The following EXOC4 variants were observed in gnomAD, a reference collection of about 807,000 sequenced individuals.
EXOC4 encodes exocyst complex component 4.
Under a neutral mutation model 107.2 loss-of-function variants are expected in EXOC4, and 71 were observed. The ratio of observed to expected loss-of-function variants is 0.66; its 90% CI spans 0.55 to 0.81. The LOEUF (loss-of-function observed/expected upper bound fraction) is 0.81, where lower values mean the gene tolerates loss of function less well. Among genes scored for constraint, EXOC4 ranks in the 30% least tolerant of loss-of-function variants. EXOC4 has a pLI of 0.00. For synonymous variants in EXOC4, 456 were observed against 441.2 expected (o/e 1.03, Z -0.42); for missense variants, 1,108 against 1,189.6 (o/e 0.93, Z 1.01).
chr7:134,021,607 A>T (rs1795029860), intron 17 of EXOC4, among the ~76,000 whole-genome samples: 3 of 152,032 alleles, frequency 2.0e-5, no homozygotes. Flanking sequence ...AACCTTTAAC[A>T]ATATAGGCTT....
At chr7:133,718,668 G>A (rs1051846702) in intron 10 of EXOC4, among the ~76,000 whole-genome samples, 2 of 152,120 alleles carry the variant, frequency 1.3e-5, no homozygotes, top group Non-Finnish European at 2.9e-5. Flanking sequence ...CCTTAGTATT[G>A]TAAAATATGA....
rs550254948 is a variant in EXOC4, at chr7:133,731,191, T to C, written c.1515-86134T>C. 3.9e-5 allele frequency among the ~76,000 whole-genome samples: 6 copies of C among 152,328 alleles called. No homozygotes were observed. In the South Asian group the frequency reaches 1.2e-3, roughly 32 times the overall value. On this transcript the variant is annotated intron_variant, in intron 10 of 17. Transcript: ENST00000253861. Reference sequence around the variant, plus strand: ...ATCATTGCAATAAAATAATAAAATGTAACATCAGATTTACTGTTTTAACCA... The same window carrying C: ...ATCATTGCAATAAAATAATAAAATGCAACATCAGATTTACTGTTTTAACCA...
chr7:133,526,687 T>A (rs748702100), intron 9 of EXOC4, among the ~76,000 whole-genome samples: 1 of 152,166 alleles, frequency 6.6e-6, no homozygotes, highest in Non-Finnish European at 1.5e-5. Flanking sequence ...CAAAAGTAGA[T>A]ATAGCCGGGC....
At chr7:133,650,499 TA>T (rs1332024105) in intron 10 of EXOC4, among the ~76,000 whole-genome samples, 1 of 152,044 alleles carries the variant, frequency 6.6e-6, no homozygotes, top group Admixed American at 6.6e-5. Context: ...TTTTTTTAAA[TA>T]AAAAAAGCCA....
chr7:133,498,047 T>C (rs1474864194), intron 9 of EXOC4, among the ~76,000 whole-genome samples: 3 of 152,176 alleles, frequency 2.0e-5, no homozygotes, highest in Non-Finnish European at 4.4e-5. Context: ...ATTATCATGT[T>C]ACCTTTCTGG....
intron 7 of EXOC4, among the ~76,000 whole-genome samples, chr7:133,421,983 C>T (rs1056825744): frequency 6.6e-6 from 1 of 152,112 alleles, no homozygotes; most frequent in South Asian, 2.1e-4. Flanking sequence ...TAATACTAGG[C>T]AGAAGAAAGA....
Position 133,374,885 on chromosome 7 carries a change from A to T in EXOC4, c.1065A>T (p.Ala355=). 2 of 1,614,042 alleles carry T rather than the reference A, an allele frequency of 1.2e-6. No individual in the cohort carries two copies. The highest frequency in any genetic ancestry group is 1.7e-6 in the Non-Finnish European group (2 of 1,179,914). Residue 355 remains alanine (A), a synonymous_variant, in exon 7 of 18, where the codon GCA becomes GCT. Coordinates refer to ENST00000253861, the MANE Select transcript of EXOC4 (RefSeq NM_021807.4). ...ACAAGTTTAATGCTGTAGCCGCTGCACACTCTGTGGTCCTGGGATACCTGC... is the reference window on the plus strand; with the variant it reads ...ACAAGTTTAATGCTGTAGCCGCTGCTCACTCTGTGGTCCTGGGATACCTGC... ...LFDKFNAVAA[A]HSVVLGYLQD... is the part of the protein sequence containing the mutation.
At position 133,699,299 on chromosome 7, in the gene EXOC4, C is replaced by G. The variant is rs189319004; in HGVS notation, c.1514+69158C>G. Among the ~76,000 whole-genome samples, 20 of 152,218 alleles carry G rather than the reference C, an allele frequency of 1.3e-4. No homozygotes were observed. In the East Asian group the frequency reaches 3.9e-3, roughly 29 times the overall value. ...TAGACTGAGTCAGTGTTTTTTCCCC[C>G]AGTCTGTACCTGCAATGGTTTTTTT... On this transcript the variant is annotated intron_variant, in intron 10 of 17. Transcript: ENST00000253861.
intron 10 of EXOC4, among the ~76,000 whole-genome samples, chr7:133,677,755 T>C (rs1454681809): frequency 6.6e-6 from 1 of 152,008 alleles, no homozygotes; most frequent in Non-Finnish European, 1.5e-5. Context: ...CAATCTTAAA[T>C]CCTTCTCTTT....
chr7:133,479,990 G>T (rs1257290286), intron 8 of EXOC4, 60 bp from the exon 9 acceptor site: 1 of 1,309,844 alleles, frequency 7.6e-7, no homozygotes, highest in African/African-American at 1.5e-5. Flanking sequence ...GGAATACAGA[G>T]CTGGTCAGCA....
intron 17 of EXOC4, among the ~76,000 whole-genome samples, chr7:134,020,676 T>A (rs1795008949): frequency 6.6e-6 from 1 of 152,200 alleles, no homozygotes; most frequent in Non-Finnish European, 1.5e-5. Flanking sequence ...GTAAGTCACT[T>A]CAGCTCTCTT....
At chr7:133,824,597 T>C (rs1285419726) in intron 11 of EXOC4, among the ~76,000 whole-genome samples, 1 of 152,206 alleles carries the variant, frequency 6.6e-6, no homozygotes, top group Non-Finnish European at 1.5e-5. Context: ...GCTGCCATGA[T>C]AAATTACCGT....
intron 13 of EXOC4, among the ~76,000 whole-genome samples, chr7:133,936,372 G>C (rs1800299680): frequency 6.6e-6 from 1 of 152,222 alleles, no homozygotes. Flanking sequence ...CTGCTGTAGT[G>C]CTGGGCACTA....
chr7:133,312,165 A>G (rs2150575301), intron 4 of EXOC4, among the ~76,000 whole-genome samples: 1 of 152,320 alleles, frequency 6.6e-6, no homozygotes, highest in Middle Eastern at 3.4e-3. Context: ...ATGTTCATCA[A>G]GAGGAGTATG....
At chr7:133,835,101 T>C (rs1292044562) in intron 11 of EXOC4, among the ~76,000 whole-genome samples, 1 of 152,290 alleles carries the variant, frequency 6.6e-6, no homozygotes, top group South Asian at 2.1e-4. Flanking sequence ...TAAACCTCTT[T>C]CCTGTATGAA....
chr7:133,272,713 G>A (rs1310535913), intron 1 of EXOC4, among the ~76,000 whole-genome samples: 1 of 152,090 alleles, frequency 6.6e-6, no homozygotes, highest in Non-Finnish European at 1.5e-5. Flanking sequence ...GGCAAAGCTG[G>A]CACAGGGTAT....
intron 9 of EXOC4, among the ~76,000 whole-genome samples, chr7:133,513,250 G>A (rs1476694386): frequency 3.3e-5 from 5 of 151,536 alleles, no homozygotes; most frequent in African/African-American, 7.3e-5. Context: ...TGTATTTTTG[G>A]TAGAAACAGG....
Position 134,020,345 on chromosome 7 carries a change from G to A in EXOC4, c.2687+12510G>A, listed in dbSNP as rs144027130. The stretch of plus-strand genomic sequence containing the variant: ...CAGGAGATTATCATGCAGAAATACC[G>A]GCCCTGACCTCGTTTTCTTTGAGAT... On this transcript the variant is annotated intron_variant, in intron 17 of 17. Coordinates refer to ENST00000253861, the MANE Select transcript of EXOC4 (RefSeq NM_021807.4). Among the ~76,000 whole-genome samples the A allele has an allele frequency of 2.7e-3, 418 of 152,226 alleles. 1 individual carries two copies. Among genetic ancestry groups the A allele is most frequent in the African/African-American group, 9.7e-3 (401 of 41,532 alleles).
intron 5 of EXOC4, among the ~76,000 whole-genome samples, chr7:133,319,464 G>C (rs1028382969): frequency 1.3e-5 from 2 of 152,152 alleles, no homozygotes; most frequent in African/African-American, 4.8e-5. Context: ...GAGACTGCTT[G>C]TAGAGATATG....
Sources: allele counts gnomAD v4.1 joint callset (sites outside exome capture counted in the v4.1 genomes callset), GRCh38; gene constraint gnomAD v4.1.1; transcripts MANE v1.5; gene names NCBI Gene and HGNC (gene_info 2026-07-23, HGNC 2026-07-21).